Variants in STAM observed in about 807,000 individuals in gnomAD.
STAM encodes signal transducing adapter molecule 1.
In STAM, 16 loss-of-function variants were observed where a neutral mutation model predicts 63.4. That is an observed-to-expected ratio of 0.25 (90% CI 0.17 to 0.38). The LOEUF is 0.38. Among genes scored for constraint, STAM ranks in the 10% least tolerant of loss-of-function variants. The probability of loss-of-function intolerance (pLI) is 1.00; values close to 1 mark genes in which losing one functional copy is unlikely to be tolerated. For synonymous variants in STAM, 238 were observed against 223.9 expected (o/e 1.06, Z -0.56); for missense variants, 636 against 657.1 (o/e 0.97, Z 0.35).
intron 1 of STAM, among the ~76,000 whole-genome samples, chr10:17,660,048 TC>T (rs1283252510): frequency 4.8e-5 from 7 of 145,728 alleles, no homozygotes; most frequent in Admixed American, 2.1e-4. Context: ...CTCCATATTA[TC>T]AAAAAAAAAA....
intron 9 of STAM, 129 bp from the exon 10 acceptor site, chr10:17,704,302 C>A (rs17141517): frequency 0.077 from 53,703 of 698,536 alleles, 2,256 homozygotes; most frequent in Middle Eastern, 0.14. Flanking sequence ...GGGACACTGA[C>A]AACATAAAAG....
chr10:17,714,648 G>C lies in STAM; in HGVS notation c.1491G>C (p.Leu497=). 2 of 1,614,120 alleles carry C rather than the reference G, an allele frequency of 1.2e-6. No individual in the cohort carries two copies. Among genetic ancestry groups the C allele is most frequent in the Non-Finnish European group, 1.7e-6 (2 of 1,180,032 alleles). The change falls in exon 14 of 14, where the codon CTG becomes CTC. Residue 497 remains leucine, a synonymous_variant. Coordinates refer to ENST00000377524, the MANE Select transcript of STAM (RefSeq NM_003473.4). ...TAAAATADVT[L]YQNAGPNMPQ... is the part of the protein sequence containing the mutation. ...CTGCTGCAACTGCCGATGTCACTCT[G>C]TACCAGAATGCAGGACCTAATATGC...
intron 9 of STAM, among the ~76,000 whole-genome samples, chr10:17,701,680 T>C (rs1396459854): frequency 1.3e-5 from 2 of 152,246 alleles, no homozygotes; most frequent in African/African-American, 4.8e-5. Flanking sequence ...TTTCCTAAAA[T>C]TGATCTGCCC....
At chr10:17,648,983 A>T (rs909095986) in intron 1 of STAM, among the ~76,000 whole-genome samples, 5 of 152,162 alleles carry the variant, frequency 3.3e-5, no homozygotes, top group African/African-American at 9.7e-5. Flanking sequence ...CTGTAGCTAT[A>T]TGGTACTCTT....
At chr10:17,660,359 G>T in intron 1 of STAM, 105 bp from the exon 2 acceptor site, 1 of 685,198 alleles carries the variant, frequency 1.5e-6, no homozygotes, top group Non-Finnish European at 2.4e-6. Context: ...ATTCTGATTT[G>T]TTGTTAAGAC....
chr10:17,674,929 C>G (rs1834784870), intron 2 of STAM, among the ~76,000 whole-genome samples: 1 of 150,096 alleles, frequency 6.7e-6, no homozygotes, highest in African/African-American at 2.5e-5. Flanking sequence ...TTGAGACACT[C>G]AATCCTTAAG....
intron 5 of STAM, among the ~76,000 whole-genome samples, chr10:17,689,989 G>T (rs1835461217): frequency 6.6e-6 from 1 of 152,238 alleles, no homozygotes; most frequent in Non-Finnish European, 1.5e-5. Flanking sequence ...AGAAAAGGAA[G>T]AATTAATGAT....
intron 12 of STAM, among the ~76,000 whole-genome samples, chr10:17,706,084 A>AAATG (rs1407970264): frequency 6.6e-6 from 1 of 152,096 alleles, no homozygotes; most frequent in Non-Finnish European, 1.5e-5. Context: ...ATAAATAAAT[A>AAATG]AATAAATTCT....
chr10:17,683,201 T>A (rs1554825647), intron 2 of STAM, among the ~76,000 whole-genome samples: 1 of 152,206 alleles, frequency 6.6e-6, no homozygotes. Flanking sequence ...TCTCACTCTG[T>A]CTCTCAGGAT....
At chr10:17,649,291 C>A (rs1382600375) in intron 1 of STAM, among the ~76,000 whole-genome samples, 5 of 151,568 alleles carry the variant, frequency 3.3e-5, no homozygotes, top group African/African-American at 1.2e-4. Flanking sequence ...GTCCCATTTA[C>A]TCGGGATGCT....
At position 17,714,572 on chromosome 10, in the gene STAM, C is replaced by T; in HGVS notation, c.1415C>T (p.Thr472Ile). Residue 472 changes from threonine (T) to isoleucine (I), a missense_variant, in exon 14 of 14, where the codon ACA becomes ATA. Thr to Ile is a moderately conservative substitution (Grantham distance 89, BLOSUM62 -1). This residue lies in a region of STAM where 532 missense variants were observed against 536.9 expected (regional missense o/e 0.99). Transcript: ENST00000377524. ...ATGGTCAGTTCCGTTCAAGGAAACA[C>T]ATATCCCAGCCAGGCGCCAGTATAT... ...NTMVSSVQGN[T>I]YPSQAPVYSP... The T allele has an allele frequency of 3.1e-6, 5 of 1,614,190 alleles. No individual in the cohort carries two copies. Among genetic ancestry groups the T allele is most frequent in the Non-Finnish European group, 8.5e-7 (1 of 1,180,030 alleles).
intron 2 of STAM, among the ~76,000 whole-genome samples, chr10:17,668,093 T>A (rs1834471375): frequency 2.6e-5 from 4 of 152,222 alleles, no homozygotes; most frequent in Admixed American, 2.6e-4. Flanking sequence ...AGCCAAAGTG[T>A]TGAAAGCATC....
chr10:17,669,747 T>G (rs1316892556), intron 2 of STAM, among the ~76,000 whole-genome samples: 2 of 150,816 alleles, frequency 1.3e-5, no homozygotes, highest in African/African-American at 4.9e-5. Context: ...ACCCAGGCTG[T>G]AGTGCAGTGG....
intron 2 of STAM, among the ~76,000 whole-genome samples, chr10:17,665,356 A>C (rs958542024): frequency 9.9e-5 from 15 of 152,204 alleles, no homozygotes; most frequent in Non-Finnish European, 1.9e-4. Context: ...AAAAAGATGG[A>C]CATTGACAAG....
rs144585358 is a variant in STAM, at chr10:17,679,685, A to T, written c.126-4990A>T. ...ATTTTCTTCGTGGGAAGTTTTCTTA[A>T]TCAGTAATTTAGTCTTTTTACTTGT... On this transcript the variant is annotated intron_variant, in intron 2 of 13. Transcript: ENST00000377524. Among the ~76,000 whole-genome samples, 316 of 152,036 alleles carry T rather than the reference A, an allele frequency of 2.1e-3. 2 individuals carry two copies. Among genetic ancestry groups the T allele is most frequent in the African/African-American group, 7.3e-3 (304 of 41,538 alleles).
At chr10:17,653,367 G>T (rs980327808) in intron 1 of STAM, among the ~76,000 whole-genome samples, 1 of 152,116 alleles carries the variant, frequency 6.6e-6, no homozygotes, top group Non-Finnish European at 1.5e-5. Context: ...GTTTGTTTTG[G>T]TAAAACAGGT....
At chr10:17,698,329 G>C in intron 8 of STAM, among the ~76,000 whole-genome samples, 1 of 151,662 alleles carries the variant, frequency 6.6e-6, no homozygotes, top group South Asian at 2.1e-4. Flanking sequence ...CTATTTTTTT[G>C]TCCTGAATCA....
At chr10:17,662,642 G>A (rs1834218335) in intron 2 of STAM, among the ~76,000 whole-genome samples, 1 of 152,184 alleles carries the variant, frequency 6.6e-6, no homozygotes, top group Admixed American at 6.5e-5. Flanking sequence ...GAATGCCTGG[G>A]TTCAAATCTT....
chr10:17,666,385 G>GTTTTTT (rs1425682476), intron 2 of STAM, among the ~76,000 whole-genome samples: 1 of 102,294 alleles, frequency 9.8e-6, no homozygotes, highest in African/African-American at 3.8e-5. Flanking sequence ...CCTTGGCTTT[G>GTTTTTT]TATTTTTTTT....
Sources: gnomAD v4.1 joint callset for allele counts (sites outside exome capture counted in the v4.1 genomes callset) on GRCh38, gnomAD v4.1.1 for gene constraint, gnomAD v4.1.1 regional missense constraint, MANE v1.5 for transcripts, NCBI Gene and HGNC (gene_info 2026-07-23, HGNC 2026-07-21) for gene names.